PDE3A: variants seen among roughly 807,000 people sequenced by gnomAD.
PDE3A encodes the protein phosphodiesterase 3A.
Under a neutral mutation model 98.3 loss-of-function variants are expected in PDE3A, and 43 were observed. The ratio of observed to expected loss-of-function variants is 0.44; its 90% CI spans 0.34 to 0.56. The LOEUF (loss-of-function observed/expected upper bound fraction) is 0.56, where lower values mean the gene tolerates loss of function less well. PDE3A is among the 20% of genes least tolerant of loss of function. The probability of loss-of-function intolerance (pLI) is 0.01; values close to 1 mark genes in which losing one functional copy is unlikely to be tolerated. For missense variants in PDE3A, 1,427 were observed against 1,440.7 expected (o/e 0.99, Z 0.15); for synonymous variants, 663 against 567.9 (o/e 1.17, Z -2.38).
At chr12:20,554,416 T>TC (rs1555160470) in intron 1 of PDE3A, among the ~76,000 whole-genome samples, 1 of 150,356 alleles carries the variant, frequency 6.7e-6, no homozygotes, top group Admixed American at 6.6e-5. Flanking sequence ...ATTTTTTTTT[T>TC]ATTTCCCAAG....
chr12:20,585,599 T>C (rs1412840372), intron 2 of PDE3A, among the ~76,000 whole-genome samples: 1 of 151,534 alleles, frequency 6.6e-6, no homozygotes, highest in Non-Finnish European at 1.5e-5. Flanking sequence ...TCTCCAAATG[T>C]AAATGGTAAT....
At chr12:20,469,189 C>T (rs987440355) in intron 1 of PDE3A, among the ~76,000 whole-genome samples, 5 of 152,036 alleles carry the variant, frequency 3.3e-5, no homozygotes, top group South Asian at 2.1e-4. Context: ...TCATATTTAA[C>T]CCTTAAATAC....
At chr12:20,609,863 G>T (rs1014745902) in intron 2 of PDE3A, among the ~76,000 whole-genome samples, 1 of 151,950 alleles carries the variant, frequency 6.6e-6, no homozygotes, top group African/African-American at 2.4e-5. Flanking sequence ...GAATGAAATC[G>T]TATGTTTATC....
At position 20,369,294 on chromosome 12, in the gene PDE3A, C is replaced by T. The variant is rs1216832451; in HGVS notation, c.10C>T (p.Pro4Ser). MAV[P>S]GDAARVRDKP... Reference sequence around the variant, plus strand: ...GAGGGCACCCTATACCATGGCAGTGCCCGGCGACGCTGCACGAGTCAGGGA... The same window carrying T: ...GAGGGCACCCTATACCATGGCAGTGTCCGGCGACGCTGCACGAGTCAGGGA... Residue 4 changes from proline (P) to serine (S), a missense_variant, in exon 1 of 16, where the codon CCC becomes TCC. Transcript: ENST00000359062. 6.6e-7 allele frequency: 1 copy of T among 1,518,842 alleles called. No individual in the cohort carries two copies. The highest frequency in any genetic ancestry group is 8.9e-7 in the Non-Finnish European group (1 of 1,128,678). The allele number at this position is 1,518,842 out of a possible 1,614,324, so 94.1% of individuals were successfully genotyped here.
At chr12:20,496,911 A>G (rs1409637173) in intron 1 of PDE3A, among the ~76,000 whole-genome samples, 9 of 152,186 alleles carry the variant, frequency 5.9e-5, no homozygotes, top group African/African-American at 1.9e-4. Context: ...TATCTTACTA[A>G]TGATGCTCTT....
chr12:20,400,299 A>C (rs942105518), intron 1 of PDE3A, among the ~76,000 whole-genome samples: 10 of 150,594 alleles, frequency 6.6e-5, no homozygotes, highest in African/African-American at 2.0e-4. Context: ...CTAAAGGAGT[A>C]GCACAGCCAG....
intron 1 of PDE3A, among the ~76,000 whole-genome samples, chr12:20,531,638 G>A (rs534490043): frequency 1.1e-3 from 160 of 152,148 alleles, no homozygotes; most frequent in Middle Eastern, 0.01. Context: ...GCAGAACTGA[G>A]ACTTAAAACT....
Position 20,369,629 on chromosome 12 carries a change from T to A in PDE3A, c.345T>A (p.Pro115=). ...CAGAAGGGGGCGTCTTCCCGGGGCCTCGGGGAGGTGCTCCCGGGGGCGGTG... is the reference window on the plus strand; with the variant it reads ...CAGAAGGGGGCGTCTTCCCGGGGCCACGGGGAGGTGCTCCCGGGGGCGGTG... ...PGAEGGVFPG[P]RGGAPGGGAR... The change falls in exon 1 of 16, where the codon CCT becomes CCA. Residue 115 remains proline, a synonymous_variant. Coordinates refer to ENST00000359062, the MANE Select transcript of PDE3A (RefSeq NM_000921.5). 1.3e-6 allele frequency: 2 copies of A among 1,587,060 alleles called. No homozygotes were observed. Among genetic ancestry groups the A allele is most frequent in the Non-Finnish European group, 1.7e-6 (2 of 1,167,322 alleles).
In PDE3A at chr12:20,633,946, C is replaced by T. The variant is rs10841581; in HGVS notation, c.1846+168C>T. On this transcript the variant is annotated intron_variant, in intron 7 of 15. Transcript: ENST00000359062. ...AACTCCTGGCCTCAAGTGATCCTCC[C>T]GCCTCAGCCTCTTGAAGTACTAGGA... is the stretch of plus-strand genomic sequence containing the variant. Among the ~76,000 whole-genome samples the T allele has an allele frequency of 0.37, 55,773 of 151,900 alleles. 10,289 individuals are homozygous for T. The highest frequency in any genetic ancestry group is 0.43 in the Middle Eastern group (126 of 292).
At position 20,465,710 on chromosome 12, in the gene PDE3A, G is replaced by T. The variant is rs1945331021; in HGVS notation, c.961-90950G>T. On this transcript the variant is annotated intron_variant, in intron 1 of 15. Transcript: ENST00000359062. ...AGGCAGGAGCCACCGTGCCCAGCCA[G>T]TACTTTTATTTTAAAAATTTAAAAT... Among the ~76,000 whole-genome samples, 4 of 152,034 alleles carry T rather than the reference G, an allele frequency of 2.6e-5. No homozygotes were observed. In the South Asian group the frequency reaches 8.3e-4, roughly 32 times the overall value.
chr12:20,524,682 G>A (rs954479154), intron 1 of PDE3A, among the ~76,000 whole-genome samples: 2 of 151,608 alleles, frequency 1.3e-5, no homozygotes, highest in East Asian at 1.9e-4. Context: ...TTTACTATAA[G>A]AATAATAATA....
chr12:20,516,757 G>A (rs1946330324), intron 1 of PDE3A, among the ~76,000 whole-genome samples: 1 of 152,122 alleles, frequency 6.6e-6, no homozygotes, highest in Admixed American at 6.5e-5. Flanking sequence ...AATTTGTTAA[G>A]TTAAATATTT....
intron 7 of PDE3A, 114 bp downstream of exon 7, chr12:20,633,892 G>T: frequency 3.3e-6 from 2 of 599,840 alleles, no homozygotes; most frequent in South Asian, 2.1e-5. Flanking sequence ...GGGAGACGGG[G>T]TCTCATGATG....
chr12:20,415,985 A>G (rs761491077), intron 1 of PDE3A, among the ~76,000 whole-genome samples: 1 of 152,216 alleles, frequency 6.6e-6, no homozygotes, highest in African/African-American at 2.4e-5. Flanking sequence ...TGAGATAACT[A>G]CAAGCCTTTT....
At chr12:20,673,242 A>C (rs1945538388) in intron 15 of PDE3A, among the ~76,000 whole-genome samples, 1 of 151,922 alleles carries the variant, frequency 6.6e-6, no homozygotes, top group Non-Finnish European at 1.5e-5. Flanking sequence ...ACACTTTTAC[A>C]CTGTTGGTGG....
intron 1 of PDE3A, among the ~76,000 whole-genome samples, chr12:20,536,415 G>A (rs190212436): frequency 2.0e-5 from 3 of 152,012 alleles, no homozygotes; most frequent in Admixed American, 2.0e-4. Context: ...TCCACTTAAA[G>A]TATACAATTC....
chr12:20,661,593 C>T (rs1945171727), intron 15 of PDE3A, among the ~76,000 whole-genome samples: 1 of 152,190 alleles, frequency 6.6e-6, no homozygotes, highest in Middle Eastern at 3.2e-3. Flanking sequence ...GCATCCCAAC[C>T]ACTCCAGTTG....
intron 2 of PDE3A, among the ~76,000 whole-genome samples, chr12:20,601,406 T>C (rs1287057433): frequency 6.6e-6 from 1 of 152,114 alleles, no homozygotes; most frequent in Non-Finnish European, 1.5e-5. Context: ...GTCAGTAGCC[T>C]AGATAAACAC....
intron 1 of PDE3A, among the ~76,000 whole-genome samples, chr12:20,378,047 CAG>C (rs1943602499): frequency 6.6e-6 from 1 of 151,692 alleles, no homozygotes; most frequent in Non-Finnish European, 1.5e-5. Flanking sequence ...AAAATTGTAA[CAG>C]TGTCTGTAAA....
Sources: gnomAD v4.1 joint callset for allele counts (sites outside exome capture counted in the v4.1 genomes callset) on GRCh38, gnomAD v4.1.1 for gene constraint, MANE v1.5 for transcripts, NCBI Gene and HGNC (gene_info 2026-07-23, HGNC 2026-07-21) for gene names.